The following GALNT13 variants were observed in gnomAD, a reference collection of about 807,000 sequenced individuals.
The protein encoded by GALNT13 is polypeptide N-acetylgalactosaminyltransferase 13.
A neutral mutation model predicts 64.2 loss-of-function variants in GALNT13; 28 were observed. The ratio of observed to expected loss-of-function variants is 0.44; its 90% CI spans 0.32 to 0.60. GALNT13 has a LOEUF of 0.60. GALNT13 is among the 20% of genes least tolerant of loss of function. GALNT13 has a pLI of 0.05. For missense variants in GALNT13, 577 were observed against 669.8 expected (o/e 0.86, Z 1.53); for synonymous variants, 214 against 224.6 (o/e 0.95, Z 0.42).
the GALNT13 span, among the ~76,000 whole-genome samples, chr2:153,414,956 G>C: frequency 2.6e-5 from 4 of 151,996 alleles, no homozygotes; most frequent in Non-Finnish European, 5.9e-5. Context: ...GAACAAGGAG[G>C]GAGTTTTAAG....
At chr2:154,048,714 C>A (rs917696258) in intron 3 of GALNT13, among the ~76,000 whole-genome samples, 1 of 151,830 alleles carries the variant, frequency 6.6e-6, no homozygotes, top group African/African-American at 2.4e-5. Flanking sequence ...ATAAATTATA[C>A]CTGCCACTTA....
the GALNT13 span, among the ~76,000 whole-genome samples, chr2:153,480,629 G>A: frequency 6.6e-5 from 10 of 152,054 alleles, no homozygotes; most frequent in Middle Eastern, 3.4e-3. Context: ...AGTTAATGTG[G>A]GTAGTCCTCA....
the GALNT13 span, among the ~76,000 whole-genome samples, chr2:153,776,206 G>A: frequency 2.0e-5 from 3 of 152,122 alleles, no homozygotes; most frequent in Non-Finnish European, 4.4e-5. Context: ...TTTGTGGTGT[G>A]CATTTTAAAA....
At chr2:154,071,988 G>C (rs1406153782) in intron 3 of GALNT13, among the ~76,000 whole-genome samples, 3 of 152,064 alleles carry the variant, frequency 2.0e-5, no homozygotes, top group Non-Finnish European at 4.4e-5. Flanking sequence ...TAGTGCTTTT[G>C]GCTGTGAGTT....
At chr2:153,178,994 C>T in the GALNT13 span, among the ~76,000 whole-genome samples, 19,534 of 151,850 alleles carry the variant, frequency 0.13, 1,626 homozygotes, top group Non-Finnish European at 0.18. Context: ...CCATGCACCT[C>T]GGCCTCCCAA....
At chr2:153,419,337 G>A in the GALNT13 span, among the ~76,000 whole-genome samples, 7 of 152,338 alleles carry the variant, frequency 4.6e-5, no homozygotes, top group South Asian at 6.2e-4. Flanking sequence ...CCCATGACAC[G>A]TGGGGATTAT....
intron 2 of GALNT13, among the ~76,000 whole-genome samples, chr2:153,913,595 C>T (rs1051901015): frequency 2.0e-5 from 3 of 152,204 alleles, no homozygotes; most frequent in African/African-American, 7.2e-5. Context: ...GTTACTCTTT[C>T]TGCCAACTGA....
chr2:153,917,095 A>G (rs976492533), intron 2 of GALNT13, among the ~76,000 whole-genome samples: 2 of 151,826 alleles, frequency 1.3e-5, no homozygotes, highest in Admixed American at 1.3e-4. Context: ...TCTACCACCT[A>G]TTTAACAGCT....
chr2:153,526,072 T>C, the GALNT13 span, among the ~76,000 whole-genome samples: 1 of 152,258 alleles, frequency 6.6e-6, no homozygotes, highest in Non-Finnish European at 1.5e-5. Flanking sequence ...AGTATTGTAC[T>C]TGAATCTCTG....
At chr2:153,423,867 A>C in the GALNT13 span, among the ~76,000 whole-genome samples, 3 of 151,404 alleles carry the variant, frequency 2.0e-5, no homozygotes, top group South Asian at 2.1e-4. Flanking sequence ...TTCAAAAAAA[A>C]CCCCAAGATT....
At chr2:153,874,529 G>T (rs1433583787) in intron 1 of GALNT13, among the ~76,000 whole-genome samples, 3 of 152,014 alleles carry the variant, frequency 2.0e-5, no homozygotes, top group Non-Finnish European at 4.4e-5. Flanking sequence ...AGTCCTGAGT[G>T]GGAATGTGAG....
chr2:153,222,879 C>T, the GALNT13 span, among the ~76,000 whole-genome samples: 2 of 152,142 alleles, frequency 1.3e-5, no homozygotes, highest in Non-Finnish European at 2.9e-5. Flanking sequence ...TTTCCTGGGC[C>T]ACTGAGAGCG....
chr2:153,076,239 T>A, the GALNT13 span, among the ~76,000 whole-genome samples: 1 of 152,142 alleles, frequency 6.6e-6, no homozygotes, highest in Non-Finnish European at 1.5e-5. Flanking sequence ...TAAGTGAGAG[T>A]GTCTGCTTGC....
the GALNT13 span, among the ~76,000 whole-genome samples, chr2:153,654,201 C>T: frequency 6.6e-6 from 1 of 152,004 alleles, no homozygotes; most frequent in Non-Finnish European, 1.5e-5. Flanking sequence ...CATTACAAAA[C>T]ACAGTTTTTT....
the GALNT13 span, among the ~76,000 whole-genome samples, chr2:153,401,088 C>T: frequency 6.6e-6 from 1 of 151,834 alleles, no homozygotes; most frequent in African/African-American, 2.4e-5. Flanking sequence ...CCTCTACACA[C>T]TGCTTTGAAT....
At chr2:153,793,223 C>T in the GALNT13 span, among the ~76,000 whole-genome samples, 1 of 151,934 alleles carries the variant, frequency 6.6e-6, no homozygotes, top group Admixed American at 6.6e-5. Context: ...CCACCTGTCT[C>T]GGGCTCCCAA....
rs187746390 is a variant in GALNT13, at chr2:154,248,383, G to A, written c.857+2401G>A. 9.9e-5 allele frequency among the ~76,000 whole-genome samples: 15 copies of A among 151,966 alleles called. No homozygotes were observed. In the South Asian group the frequency reaches 2.1e-3, roughly 21 times the overall value. On this transcript the variant is annotated intron_variant, in intron 7 of 12. Transcript: ENST00000392825. ...ACTATGGAATAATATACATAATTAC[G>A]AATATATATTTTCCTTTAATCAGTA...
the GALNT13 span, among the ~76,000 whole-genome samples, chr2:153,429,323 A>G: frequency 2.0e-5 from 3 of 152,198 alleles, no homozygotes; most frequent in Non-Finnish European, 2.9e-5. Flanking sequence ...ATTTGTTGGT[A>G]TGTCATACAA....
chr2:153,088,058 A>G, the GALNT13 span, among the ~76,000 whole-genome samples: 1 of 151,414 alleles, frequency 6.6e-6, no homozygotes, highest in African/African-American at 2.4e-5. Flanking sequence ...GTGTAACCTT[A>G]GACTGTTTAC....
Sources: gnomAD v4.1 joint callset for allele counts (sites outside exome capture counted in the v4.1 genomes callset) on GRCh38, gnomAD v4.1.1 for gene constraint, MANE v1.5 for transcripts, NCBI Gene and HGNC (gene_info 2026-07-23, HGNC 2026-07-21) for gene names.